Variants in CCDC30 observed in about 807,000 individuals in gnomAD.
CCDC30 encodes the protein coiled-coil domain-containing protein 30.
In CCDC30, 70 loss-of-function variants were observed where a neutral mutation model predicts 100.2. The ratio of observed to expected loss-of-function variants is 0.70; its 90% CI spans 0.58 to 0.85. The LOEUF (loss-of-function observed/expected upper bound fraction) is 0.85, where lower values mean the gene tolerates loss of function less well. Ranked by LOEUF, CCDC30 falls within the 40% of genes least tolerant of loss-of-function variation. The probability of loss-of-function intolerance (pLI) is 0.00; values close to 1 mark genes in which losing one functional copy is unlikely to be tolerated. For missense variants in CCDC30, 652 were observed against 771.2 expected (o/e 0.85, Z 1.83); for synonymous variants, 233 against 269.5 (o/e 0.86, Z 1.33).
chr1:42,459,430 G>T, upstream of CCDC30: 1 of 644,748 alleles, frequency 1.6e-6, no homozygotes, highest in South Asian at 2.1e-5. Context: ...CAAAGTGCTG[G>T]GATTACAGGC....
upstream of CCDC30, chr1:42,459,366 G>A (rs1372882321): frequency 8.1e-6 from 4 of 496,748 alleles, no homozygotes; most frequent in Non-Finnish European, 1.1e-5. Flanking sequence ...GTTTTGCCAT[G>A]TTGCCCAGGC....
intron 6 of CCDC30, among the ~76,000 whole-genome samples, chr1:42,519,924 C>G (rs901304770): frequency 1.3e-5 from 2 of 152,126 alleles, no homozygotes; most frequent in Non-Finnish European, 2.9e-5. Flanking sequence ...ATAGTACACT[C>G]TTAAAATCAC....
intron 10 of CCDC30, 132 bp downstream of exon 14, chr1:42,589,615 C>G: frequency 1.4e-6 from 1 of 736,992 alleles, no homozygotes; most frequent in East Asian, 2.6e-5. Flanking sequence ...AGAATCTACT[C>G]TAGGTATTTC....
At chr1:42,599,970 A>G (rs905113509) in intron 10 of CCDC30, among the ~76,000 whole-genome samples, 20 of 152,114 alleles carry the variant, frequency 1.3e-4, no homozygotes, top group African/African-American at 4.8e-4. Flanking sequence ...TGGCTGGAGA[A>G]GGAAGAGAGA....
downstream of CCDC30, among the ~76,000 whole-genome samples, chr1:42,656,585 C>G (rs920035189): frequency 2.0e-5 from 3 of 152,122 alleles, no homozygotes; most frequent in African/African-American, 7.2e-5. Context: ...GAGCTGAGAC[C>G]ACTCCACTGT....
At chr1:42,519,912 T>G (rs1644610951) in intron 6 of CCDC30, among the ~76,000 whole-genome samples, 1 of 152,220 alleles carries the variant, frequency 6.6e-6, no homozygotes, top group Non-Finnish European at 1.5e-5. Flanking sequence ...ATGCAATTAT[T>G]CATAGTACAC....
At chr1:42,510,656 CAAA>C (rs112722955) in intron 6 of CCDC30, among the ~76,000 whole-genome samples, 1 of 124,296 alleles carries the variant, frequency 8.0e-6, no homozygotes, top group Non-Finnish European at 1.7e-5. Context: ...GACTCCGTTT[CAAA>C]AAAAAAAAAA....
rs895620246 is a variant in CCDC30 at position 42,556,356 on chromosome 1, T to G, written c.457-9940T>G. ...GAGCTGAGCCATATAAATCAGAGCC[T>G]TCTTCAGTCTCAGAGCTCTGGGGAT... On this transcript the variant is annotated intron_variant, in intron 6 of 16. Coordinates refer to ENST00000668663, the Ensembl canonical transcript of CCDC30. The G allele has an allele frequency of 1.5e-5, 24 of 1,614,098 alleles. No homozygotes were observed. The highest frequency in any genetic ancestry group is 1.9e-5 in the Non-Finnish European group (23 of 1,180,000).
chr1:42,478,944 A>G (rs1307057514), intron 1 of CCDC30, among the ~76,000 whole-genome samples: 1 of 152,198 alleles, frequency 6.6e-6, no homozygotes, highest in Non-Finnish European at 1.5e-5. Flanking sequence ...TTTTATTTGT[A>G]GAAACTGACA....
intron 1 of CCDC30, among the ~76,000 whole-genome samples, chr1:42,475,816 G>T (rs1175321390): frequency 6.6e-6 from 1 of 151,882 alleles, no homozygotes; most frequent in African/African-American, 2.4e-5. Context: ...TTAGTGATTT[G>T]TGTCTCTCAC....
intron 11 of CCDC30, among the ~76,000 whole-genome samples, chr1:42,636,416 G>C (rs1647157181): frequency 1.3e-5 from 2 of 151,820 alleles, no homozygotes; most frequent in Non-Finnish European, 1.5e-5. Context: ...AAAAGAAGAA[G>C]AAGAAGAAGA....
At chr1:42,559,219 G>A (rs1570056751) in intron 6 of CCDC30, among the ~76,000 whole-genome samples, 5 of 152,144 alleles carry the variant, frequency 3.3e-5, no homozygotes, top group South Asian at 2.1e-4. Context: ...ATGACACTAC[G>A]AAGAAACTGT....
chr1:42,519,098 A>G (rs1306132342), intron 6 of CCDC30, among the ~76,000 whole-genome samples: 2 of 152,202 alleles, frequency 1.3e-5, no homozygotes, highest in Admixed American at 6.5e-5. Flanking sequence ...TAGTTTCAAT[A>G]TGTTGAACCA....
intron 6 of CCDC30, among the ~76,000 whole-genome samples, chr1:42,555,068 C>A (rs573944960): frequency 6.6e-6 from 1 of 152,156 alleles, no homozygotes; most frequent in East Asian, 1.9e-4. Context: ...CAATAAATGA[C>A]AAACCTTATC....
intron 11 of CCDC30, among the ~76,000 whole-genome samples, chr1:42,636,965 C>CAAAAAA (rs1166253995): frequency 0.027 from 794 of 29,516 alleles, 116 homozygotes; most frequent in East Asian, 0.16. Flanking sequence ...GACTCCATCT[C>CAAAAAA]AAAAAAAAAA....
chr1:42,461,683 A>T (rs1328635590), upstream of CCDC30, among the ~76,000 whole-genome samples: 1 of 151,856 alleles, frequency 6.6e-6, no homozygotes, highest in Non-Finnish European at 1.5e-5. Context: ...AGTAGCTGGG[A>T]CTACAGGCGC....
chr1:42,468,980 T>C (rs1329706961), intron 1 of CCDC30, among the ~76,000 whole-genome samples: 6 of 150,200 alleles, frequency 4.0e-5, no homozygotes, highest in Non-Finnish European at 8.9e-5. Flanking sequence ...GCTAGAGACA[T>C]AGGAGTCAAA....
chr1:42,650,497 A>ATATATGTGTGTGTGTG (rs1181889086), intron 15 of CCDC30, among the ~76,000 whole-genome samples: 80 of 136,290 alleles, frequency 5.9e-4, no homozygotes, highest in African/African-American at 2.2e-3. Context: ...AAAAATATAT[A>ATATATGTGTGTGTGTG]TGTGTGTGTG....
intron 9 of CCDC30, among the ~76,000 whole-genome samples, chr1:42,585,223 T>C (rs1011067686): frequency 1.3e-5 from 2 of 152,150 alleles, no homozygotes. Flanking sequence ...TCCATGGAGT[T>C]AGTAGTGGTG....
Sources: gnomAD v4.1 joint callset for allele counts (sites outside exome capture counted in the v4.1 genomes callset) on GRCh38, gnomAD v4.1.1 for gene constraint, MANE v1.5 for transcripts, NCBI Gene and HGNC (gene_info 2026-07-23, HGNC 2026-07-21) for gene names.